Variants in PCOLCE2 observed in about 807,000 individuals in gnomAD.
The protein encoded by PCOLCE2 is procollagen C-proteinase enhancer 2.
A neutral mutation model predicts 47.0 loss-of-function variants in PCOLCE2; 42 were observed. The ratio of observed to expected loss-of-function variants is 0.89; its 90% CI spans 0.70 to 1.16. The LOEUF (loss-of-function observed/expected upper bound fraction) is 1.16, where lower values mean the gene tolerates loss of function less well. Ranked by LOEUF, PCOLCE2 falls within the 50% of genes most tolerant of loss-of-function variation. The pLI is 0.00. For missense variants in PCOLCE2, 500 were observed against 526.1 expected, an observed-to-expected ratio of 0.95 and a Z score of 0.49; for synonymous variants, 169 against 191.7, an observed-to-expected ratio of 0.88 and a Z score of 0.98.
Position 142,823,597 on chromosome 3 carries a change from G to C in PCOLCE2, c.884C>G (p.Ala295Gly). The C allele has an allele frequency of 6.2e-7, 1 of 1,606,118 alleles. No homozygotes were observed. Among genetic ancestry groups the C allele is most frequent in the Non-Finnish European group, 8.5e-7 (1 of 1,173,228 alleles). Residue 295 changes from alanine to glycine, a missense_variant, in exon 7 of 9, where the codon GCC (alanine) becomes GGC (glycine). By Grantham distance (60) the Ala-to-Gly change is moderately conservative (BLOSUM62 0). Coordinates refer to ENST00000295992, the MANE Select transcript of PCOLCE2 (RefSeq NM_013363.4). ...CCGTCTACACTTTTGTTGACACAAG[G>C]CCACGGTGGGTTTTAAACCTTAATT... ...PVTTGLKPTV[A>G]LCQQKCRRTG...
At chr3:142,821,993 C>T (rs946949113) in intron 7 of PCOLCE2, among the ~76,000 whole-genome samples, 1 of 152,090 alleles carries the variant, frequency 6.6e-6, no homozygotes. Flanking sequence ...TCTCAGCTCA[C>T]TGCAACCTCC....
In PCOLCE2 at chr3:142,842,772, T is replaced by C; in HGVS notation, c.573+152A>G. On this transcript the variant is annotated intron_variant, in intron 4 of 8. Coordinates refer to ENST00000295992, the MANE Select transcript of PCOLCE2 (RefSeq NM_013363.4). This position sits in a 1 kb window ranked among gnomAD's most constrained non-coding sequence, Gnocchi z 4.1. ...AAAAAAAATATCTGGGGTCTTCGCA[T>C]GAAGAAATACCTGTGTCCAGGAACC... 1 of 701,366 alleles carries C rather than the reference T, an allele frequency of 1.4e-6. No individual in the cohort carries two copies. The highest frequency in any genetic ancestry group is 2.4e-6 in the Non-Finnish European group (1 of 420,798). The allele number at this position is 701,366 out of a possible 1,614,324, so 43.4% of individuals were successfully genotyped here.
At chr3:142,871,675 A>G (rs565374862) in intron 2 of PCOLCE2, among the ~76,000 whole-genome samples, 25 of 152,302 alleles carry the variant, frequency 1.6e-4, no homozygotes, top group African/African-American at 5.3e-4. Flanking sequence ...CTACAGCGGT[A>G]TCTTCTCACT....
chr3:142,863,639 G>A (rs1478769081), intron 2 of PCOLCE2, among the ~76,000 whole-genome samples: 2 of 152,146 alleles, frequency 1.3e-5, no homozygotes, highest in East Asian at 1.9e-4. Context: ...GGGCTCAGAG[G>A]TGCCAGAAGC....
At chr3:142,827,588 G>T in intron 6 of PCOLCE2, 1 of 1,473,414 alleles carries the variant, frequency 6.8e-7, no homozygotes, top group South Asian at 1.1e-5. Context: ...GTTGAGCTGG[G>T]CCTTCTTGCC....
intron 5 of PCOLCE2, among the ~76,000 whole-genome samples, chr3:142,832,448 G>A (rs1173424652): frequency 1.3e-5 from 2 of 152,042 alleles, no homozygotes; most frequent in African/African-American, 4.8e-5. Flanking sequence ...CATCTCTCCC[G>A]CGTATCTTTA....
intron 3 of PCOLCE2, chr3:142,843,299 C>CT (rs768820935): frequency 9.4e-4 from 503 of 534,896 alleles, no homozygotes; most frequent in East Asian, 1.8e-3. Context: ...GGCCTCTTTT[C>CT]TTTTTTTTTC....
At chr3:142,856,031 T>G (rs979288119) in intron 2 of PCOLCE2, among the ~76,000 whole-genome samples, 4 of 152,166 alleles carry the variant, frequency 2.6e-5, no homozygotes, top group Non-Finnish European at 5.9e-5. Flanking sequence ...GGTAACTGTA[T>G]AGACACCTTT....
At chr3:142,868,352 C>T (rs2108206771) in intron 2 of PCOLCE2, among the ~76,000 whole-genome samples, 1 of 152,296 alleles carries the variant, frequency 6.6e-6, no homozygotes. Context: ...CATTCCAAAG[C>T]TAACCTGAAA....
At chr3:142,843,881 T>C (rs1264944921) in intron 3 of PCOLCE2, among the ~76,000 whole-genome samples, 1 of 152,188 alleles carries the variant, frequency 6.6e-6, no homozygotes, top group Non-Finnish European at 1.5e-5. Context: ...TAAGATAATG[T>C]ATTATAAAAA....
chr3:142,832,916 T>C (rs886969472), intron 5 of PCOLCE2, among the ~76,000 whole-genome samples: 1 of 152,192 alleles, frequency 6.6e-6, no homozygotes, highest in Admixed American at 6.5e-5. Flanking sequence ...ATGAAAACTA[T>C]TCCTCTGGAT....
chr3:142,854,915 G>A (rs1933034497), intron 2 of PCOLCE2, among the ~76,000 whole-genome samples: 1 of 152,218 alleles, frequency 6.6e-6, no homozygotes, highest in African/African-American at 2.4e-5. Flanking sequence ...GAGGCACAGA[G>A]AGGTTAAGAC....
intron 2 of PCOLCE2, among the ~76,000 whole-genome samples, chr3:142,875,354 C>T (rs1033190049): frequency 6.6e-6 from 1 of 152,186 alleles, no homozygotes; most frequent in Non-Finnish European, 1.5e-5. Context: ...AGAAAGCAGT[C>T]TGGCTTCCTG....
At chr3:142,886,642 ATT>A (rs1428410846) in intron 2 of PCOLCE2, among the ~76,000 whole-genome samples, 3 of 152,192 alleles carry the variant, frequency 2.0e-5, no homozygotes, top group Admixed American at 6.5e-5. Context: ...GGAATACCTT[ATT>A]GCAAAGTAGG....
At chr3:142,867,549 T>TA (rs1367821954) in intron 2 of PCOLCE2, among the ~76,000 whole-genome samples, 2 of 152,024 alleles carry the variant, frequency 1.3e-5, no homozygotes, top group East Asian at 3.8e-4. Flanking sequence ...GACAATCCAA[T>TA]AAAAAACATG....
chr3:142,845,391 G>GT (rs562545901), intron 3 of PCOLCE2, among the ~76,000 whole-genome samples: 2 of 152,194 alleles, frequency 1.3e-5, no homozygotes, highest in Admixed American at 6.5e-5. Flanking sequence ...CAGTGCTAAG[G>GT]TTTTTTTGTT....
chr3:142,838,322 G>A (rs1937227566), intron 5 of PCOLCE2, among the ~76,000 whole-genome samples: 2 of 152,124 alleles, frequency 1.3e-5, no homozygotes, highest in South Asian at 2.1e-4. Context: ...TTGAGGAGAA[G>A]CGTGGTGGGA....
At chr3:142,831,964 T>C (rs1447313469) in intron 5 of PCOLCE2, among the ~76,000 whole-genome samples, 1 of 152,236 alleles carries the variant, frequency 6.6e-6, no homozygotes, top group African/African-American at 2.4e-5. Context: ...ATGTTACATC[T>C]GCAAATTGTT....
chr3:142,822,473 G>A (rs938812077), intron 7 of PCOLCE2, among the ~76,000 whole-genome samples: 1 of 152,064 alleles, frequency 6.6e-6, no homozygotes, highest in Non-Finnish European at 1.5e-5. Flanking sequence ...CACTGCTTAG[G>A]CAGTGTGCAA....
Sources: allele counts gnomAD v4.1 joint callset (sites outside exome capture counted in the v4.1 genomes callset), GRCh38; gene constraint gnomAD v4.1.1; non-coding constraint Gnocchi (gnomAD v3.1); transcripts MANE v1.5; gene names NCBI Gene and HGNC (gene_info 2026-07-23, HGNC 2026-07-21).